Variants in GLRA2 observed in about 807,000 individuals in gnomAD.
GLRA2 encodes glycine receptor alpha 2.
GLRA2 carries 11 observed loss-of-function variants against 31.6 expected under a neutral mutation model. The observed-to-expected ratio is 0.35, with a 90% CI of 0.22 to 0.58. GLRA2 has a LOEUF of 0.58. Ranked by LOEUF, GLRA2 falls within the 20% of genes least tolerant of loss-of-function variation. The probability of loss-of-function intolerance (pLI) is 0.84; values close to 1 mark genes in which losing one functional copy is unlikely to be tolerated. For synonymous variants in GLRA2, 132 were observed against 134.0 expected, an observed-to-expected ratio of 0.99 and a Z score of 0.10; for missense variants, 212 against 351.8, an observed-to-expected ratio of 0.60 and a Z score of 3.18.
At chrX:14,656,761 G>C (rs1221792479) in intron 7 of GLRA2, among the ~76,000 whole-genome samples, 1 of 112,158 alleles carries the variant, frequency 8.9e-6, no homozygotes, top group Non-Finnish European at 1.9e-5. Context: ...TGTCCTCATA[G>C]AACTTATAAT....
intron 7 of GLRA2, among the ~76,000 whole-genome samples, chrX:14,641,268 G>C (rs768700675): frequency 4.5e-5 from 5 of 111,404 alleles, no homozygotes; most frequent in Non-Finnish European, 7.6e-5. Context: ...ACTCTATGTT[G>C]AGTTCTACAT....
chrX:14,621,813 G>T (rs1457270810), intron 7 of GLRA2, among the ~76,000 whole-genome samples: 1 of 111,973 alleles, frequency 8.9e-6, no homozygotes, highest in Non-Finnish European at 1.9e-5. Context: ...GAATAGTGCT[G>T]CAATAAACAT....
chrX:14,498,129 T>TA, the GLRA2 span, among the ~76,000 whole-genome samples: 4 of 108,337 alleles, frequency 3.7e-5, no homozygotes, highest in Non-Finnish European at 5.8e-5. Context: ...CATGGTTACC[T>TA]AAAAAAACAA....
At chrX:14,525,224 T>C (rs2089183762), upstream of GLRA2, among the ~76,000 whole-genome samples, 1 of 111,720 alleles carries the variant, frequency 9.0e-6, no homozygotes, top group African/African-American at 3.2e-5. Context: ...TGGGTCACAA[T>C]CTTTTCATTT....
At chrX:14,510,323 G>C in the GLRA2 span, among the ~76,000 whole-genome samples, 1 of 111,815 alleles carries the variant, frequency 8.9e-6, no homozygotes, top group African/African-American at 3.3e-5. Context: ...CTGCTGAGCT[G>C]GGAGGAAGCT....
intron 7 of GLRA2, among the ~76,000 whole-genome samples, chrX:14,649,339 A>AT (rs973953004): frequency 8.9e-6 from 1 of 111,816 alleles, no homozygotes; most frequent in African/African-American, 3.3e-5. Context: ...CAGAGTAGTA[A>AT]TTTTTACAAT....
At chrX:14,664,350 T>A (rs1487849468) in intron 7 of GLRA2, among the ~76,000 whole-genome samples, 1 of 112,254 alleles carries the variant, frequency 8.9e-6, no homozygotes, top group Non-Finnish European at 1.9e-5. Flanking sequence ...ATATTTGCTA[T>A]ATTGTTTTTA....
At chrX:14,620,666 C>G (rs2090505097) in intron 7 of GLRA2, among the ~76,000 whole-genome samples, 1 of 110,907 alleles carries the variant, frequency 9.0e-6, no homozygotes, top group African/African-American at 3.3e-5. Context: ...ACTGGGACTG[C>G]AGTTTGCTTT....
the GLRA2 span, among the ~76,000 whole-genome samples, chrX:14,521,399 C>G: frequency 8.9e-6 from 1 of 111,932 alleles, no homozygotes; most frequent in East Asian, 2.8e-4. Flanking sequence ...ACACACTTCT[C>G]CTTTCATTGA....
At chrX:14,729,789 G>A (rs41304735) in intron 8 of GLRA2, among the ~76,000 whole-genome samples, 55,648 of 109,581 alleles carry the variant, frequency 0.51, 10,634 homozygotes, top group Non-Finnish European at 0.58. Context: ...ACACAGCACA[G>A]GCTCAGTAAA....
chrX:14,730,081 A>G (rs771360760), intron 8 of GLRA2, 126 bp from the exon 9 acceptor site: 2 of 522,800 alleles, frequency 3.8e-6, no homozygotes, highest in Non-Finnish European at 6.7e-6. Context: ...AGAACTCGCT[A>G]TTCCAAAAGC....
At chrX:14,519,742 G>A in the GLRA2 span, among the ~76,000 whole-genome samples, 1 of 111,859 alleles carries the variant, frequency 8.9e-6, no homozygotes, top group East Asian at 2.8e-4. Context: ...GTAACCTAGA[G>A]CCCCACTTTC....
intron 7 of GLRA2, among the ~76,000 whole-genome samples, chrX:14,687,740 T>G (rs1274973516): frequency 8.9e-6 from 1 of 112,149 alleles, no homozygotes; most frequent in Admixed American, 9.4e-5. Flanking sequence ...TTCTTTGTGA[T>G]GGGTTCGAAC....
intron 7 of GLRA2, among the ~76,000 whole-genome samples, chrX:14,648,045 C>T (rs1380073170): frequency 8.9e-6 from 1 of 112,374 alleles, no homozygotes; most frequent in Non-Finnish European, 1.9e-5. Flanking sequence ...AACACAATGT[C>T]TGCCTCATGA....
chrX:14,449,673 C>T, the GLRA2 span, among the ~76,000 whole-genome samples: 1,965 of 112,402 alleles, frequency 0.017, 39 homozygotes, highest in African/African-American at 0.061. Context: ...CAATTCCCTG[C>T]CTGAATGTTT....
intron 7 of GLRA2, among the ~76,000 whole-genome samples, chrX:14,687,406 C>G (rs1333732319): frequency 8.9e-6 from 1 of 112,171 alleles, no homozygotes; most frequent in African/African-American, 3.2e-5. Flanking sequence ...TGTTTTCCAA[C>G]TTGGTTCCAT....
the GLRA2 span, among the ~76,000 whole-genome samples, chrX:14,508,201 C>T: frequency 8.9e-6 from 1 of 112,015 alleles, no homozygotes; most frequent in African/African-American, 3.2e-5. Context: ...CAAAAGCACA[C>T]GGGATGCATT....
intron 7 of GLRA2, among the ~76,000 whole-genome samples, chrX:14,633,645 T>C (rs1392306568): frequency 1.8e-5 from 2 of 111,649 alleles, no homozygotes; most frequent in African/African-American, 6.5e-5. Flanking sequence ...CGAGACTGGG[T>C]AATTTATAAA....
chrX:14,665,670 G>A (rs983824861), intron 7 of GLRA2, among the ~76,000 whole-genome samples: 3 of 111,833 alleles, frequency 2.7e-5, no homozygotes, highest in Non-Finnish European at 5.6e-5. Flanking sequence ...AATGATCAAA[G>A]ACAAAGAATG....
Sources: allele counts gnomAD v4.1 joint callset (sites outside exome capture counted in the v4.1 genomes callset), GRCh38; gene constraint gnomAD v4.1.1; transcripts MANE v1.5; gene names NCBI Gene and HGNC (gene_info 2026-07-23, HGNC 2026-07-21).